The following DNAAF5 variants were observed in gnomAD, a reference collection of about 807,000 sequenced individuals.
The protein encoded by DNAAF5 is HEAT repeat containing 2.
Under a neutral mutation model 75.8 loss-of-function variants are expected in DNAAF5, and 64 were observed. The ratio of observed to expected loss-of-function variants is 0.84; its 90% CI spans 0.69 to 1.04. The LOEUF is 1.04. Ranked by LOEUF, DNAAF5 falls within the 50% of genes least tolerant of loss-of-function variation. DNAAF5 has a pLI of 0.00. For synonymous variants in DNAAF5, 657 were observed against 557.2 expected (o/e 1.18, Z -2.52); for missense variants, 1,269 against 1,178.5 (o/e 1.08, Z -1.12).
At chr7:733,774 G>A (rs975852568) in intron 2 of DNAAF5, among the ~76,000 whole-genome samples, 2 of 152,224 alleles carry the variant, frequency 1.3e-5, no homozygotes. Flanking sequence ...GATTACAGGT[G>A]TGAGCCACTG....
intron 12 of DNAAF5, among the ~76,000 whole-genome samples, chr7:782,366 G>A (rs945765358): frequency 4.0e-5 from 6 of 149,720 alleles, no homozygotes; most frequent in African/African-American, 1.5e-4. Context: ...GCCGCCTCCC[G>A]TCACGCGGCG....
chr7:741,235 C>G lies in DNAAF5; in HGVS notation c.906-112C>G, dbSNP rs1267009093. 6.2e-6 allele frequency: 5 copies of G among 807,418 alleles called. No individual in the cohort carries two copies. The East Asian group carries it at 1.3e-4, about 22-fold the overall frequency. The allele number at this position is 807,418 out of a possible 1,614,324, so 50.0% of individuals were successfully genotyped here. A position where few individuals can be genotyped will look rare whatever the true frequency, so the allele number is the denominator to read the frequency against. The stretch of plus-strand genomic sequence containing the variant: ...GTCCACCTTTTCTGGGGTTGGGGAG[C>G]TTCCCGCTCTCACGCAATGGGGTCT... On this transcript the variant is annotated intron_variant, in intron 3 of 12. Transcript: ENST00000297440.
At chr7:752,306 A>C (rs1303475074) in intron 4 of DNAAF5, among the ~76,000 whole-genome samples, 130 of 148,544 alleles carry the variant, frequency 8.8e-4, no homozygotes, top group East Asian at 6.1e-3. Flanking sequence ...CCTTTGTGAC[A>C]GTGGGCCGGG....
At chr7:756,675 CTCTG>C (rs972609861) in intron 5 of DNAAF5, 103 bp from the exon 6 acceptor site, 62 of 961,278 alleles carry the variant, frequency 6.4e-5, no homozygotes, top group South Asian at 1.1e-4. Context: ...TAACACGGGG[CTCTG>C]TCTGGTGCAC....
At chr7:755,400 G>A (rs1490695550) in intron 5 of DNAAF5, among the ~76,000 whole-genome samples, 3 of 152,198 alleles carry the variant, frequency 2.0e-5, no homozygotes, top group African/African-American at 7.2e-5. Flanking sequence ...CACGCCCTGC[G>A]CTGACAGTCA....
At chr7:758,675 T>C (rs569210807) in intron 6 of DNAAF5, among the ~76,000 whole-genome samples, 1 of 152,148 alleles carries the variant, frequency 6.6e-6, no homozygotes, top group Non-Finnish European at 1.5e-5. Context: ...AATTTTTTTT[T>C]ATTTATTTTT....
At chr7:779,740 C>T (rs1290675165) in intron 11 of DNAAF5, among the ~76,000 whole-genome samples, 6 of 152,196 alleles carry the variant, frequency 3.9e-5, no homozygotes, top group Non-Finnish European at 7.4e-5. Flanking sequence ...GGGCCTGGGC[C>T]GCCTCCACTC....
intron 8 of DNAAF5, among the ~76,000 whole-genome samples, chr7:765,664 G>A (rs141571799): frequency 9.7e-4 from 148 of 152,318 alleles, no homozygotes; most frequent in African/African-American, 3.2e-3. Context: ...GCAGTATGCC[G>A]TTCAGTGTCA....
At chr7:761,654 G>T (rs915397371) in intron 6 of DNAAF5, 99 bp from the exon 7 acceptor site, 34 of 1,280,700 alleles carry the variant, frequency 2.7e-5, no homozygotes, top group African/African-American at 5.9e-5. Flanking sequence ...TCCCTCCCAG[G>T]ATACGTGGGG....
intron 4 of DNAAF5, among the ~76,000 whole-genome samples, chr7:745,939 G>C (rs1354125720): frequency 6.6e-6 from 1 of 152,216 alleles, no homozygotes; most frequent in Non-Finnish European, 1.5e-5. Flanking sequence ...CCGAGGCGTA[G>C]AGAGTGTCGT....
intron 2 of DNAAF5, among the ~76,000 whole-genome samples, chr7:737,442 A>G (rs934327138): frequency 1.3e-5 from 2 of 152,200 alleles, no homozygotes; most frequent in African/African-American, 2.4e-5. Context: ...TCTAGTCAAG[A>G]TGTGAGTAGT....
At chr7:766,189 T>TGTG (rs1782815533) in intron 8 of DNAAF5, among the ~76,000 whole-genome samples, 1 of 152,260 alleles carries the variant, frequency 6.6e-6, no homozygotes, top group Non-Finnish European at 1.5e-5. Flanking sequence ...CGCACACATG[T>TGTG]GTGGTGCTCT....
At chr7:749,030 C>T (rs181656629) in intron 4 of DNAAF5, among the ~76,000 whole-genome samples, 9 of 152,264 alleles carry the variant, frequency 5.9e-5, no homozygotes, top group African/African-American at 2.2e-4. Context: ...AAATATAATT[C>T]GTACCATATA....
intron 12 of DNAAF5, among the ~76,000 whole-genome samples, chr7:784,082 C>T (rs1400230855): frequency 1.3e-5 from 2 of 152,102 alleles, no homozygotes; most frequent in Non-Finnish European, 2.9e-5. Context: ...GGAAGCAGCC[C>T]GCCTTACCCC....
intron 8 of DNAAF5, among the ~76,000 whole-genome samples, chr7:765,598 A>AAC (rs1403267899): frequency 6.6e-6 from 1 of 152,190 alleles, no homozygotes. Context: ...GGCAGCTTGG[A>AAC]ACACACATCT....
chr7:757,452 C>T, intron 6 of DNAAF5, among the ~76,000 whole-genome samples: 1 of 152,182 alleles, frequency 6.6e-6, no homozygotes, highest in South Asian at 2.1e-4. Context: ...CCATCCAGTC[C>T]CCAGGGTACC....
chr7:754,368 C>T lies in DNAAF5; in HGVS notation c.1025-221C>T, dbSNP rs1444885564. Among the ~76,000 whole-genome samples, 1 of 152,150 alleles carries T rather than the reference C, an allele frequency of 6.6e-6. No individual in the cohort carries two copies. Among genetic ancestry groups the T allele is most frequent in the African/African-American group, 2.4e-5 (1 of 41,418 alleles). On this transcript the variant is annotated intron_variant, in intron 4 of 12. Transcript: ENST00000297440. The surrounding 1 kb of genome is among the most constrained non-coding windows in gnomAD (Gnocchi z 4.8). ...CTTGACTTCCTGGGCTCTAGTGATC[C>T]ACCTGCCTTGGCCTCCACAGGGCTA...
intron 7 of DNAAF5, among the ~76,000 whole-genome samples, chr7:763,189 T>C (rs1782719649): frequency 2.0e-5 from 3 of 152,154 alleles, no homozygotes; most frequent in Admixed American, 6.5e-5. Flanking sequence ...GCAGATGCTG[T>C]CACTGTTAGG....
At chr7:776,062 G>A (rs1012235396) in intron 11 of DNAAF5, among the ~76,000 whole-genome samples, 52 of 152,128 alleles carry the variant, frequency 3.4e-4, no homozygotes, top group African/African-American at 1.2e-3. Context: ...AAACGTGGCC[G>A]GGCACGGTGG....
Sources: allele counts gnomAD v4.1 joint callset (sites outside exome capture counted in the v4.1 genomes callset), GRCh38; gene constraint gnomAD v4.1.1; non-coding constraint Gnocchi (gnomAD v3.1); transcripts MANE v1.5; gene names NCBI Gene and HGNC (gene_info 2026-07-23, HGNC 2026-07-21).